The following TPST2 variants were observed in gnomAD, a reference collection of about 807,000 sequenced individuals.
The protein encoded by TPST2 is protein-tyrosine sulfotransferase 2.
A neutral mutation model predicts 27.8 loss-of-function variants in TPST2; 16 were observed. The ratio of observed to expected loss-of-function variants is 0.58; its 90% CI spans 0.39 to 0.88. The LOEUF (loss-of-function observed/expected upper bound fraction) is 0.88. Among genes scored for constraint, TPST2 ranks in the 40% least tolerant of loss-of-function variants. The pLI is 0.00. For synonymous variants in TPST2, 229 were observed against 231.7 expected (o/e 0.99, Z 0.10); for missense variants, 464 against 543.1 (o/e 0.85, Z 1.45).
chr22:26,536,770 C>G (rs924723361), intron 3 of TPST2, among the ~76,000 whole-genome samples: 1 of 152,152 alleles, frequency 6.6e-6, no homozygotes. Flanking sequence ...AAAATAACAA[C>G]AGTTTAGGTC....
chr22:26,535,803 T>C (rs565540932), intron 4 of TPST2: 3 of 317,190 alleles, frequency 9.5e-6, no homozygotes, highest in Non-Finnish European at 1.8e-5. Flanking sequence ...AAAAAAGTCA[T>C]TTCCCTTCAC....
chr22:26,526,586 C>G (rs543767665), intron 6 of TPST2, among the ~76,000 whole-genome samples: 1 of 152,218 alleles, frequency 6.6e-6, no homozygotes, highest in Non-Finnish European at 1.5e-5. Context: ...TCAAGGCCAA[C>G]TCTGTACCCA....
At chr22:26,538,318 A>G (rs1486365215) in intron 3 of TPST2, among the ~76,000 whole-genome samples, 3 of 152,264 alleles carry the variant, frequency 2.0e-5, no homozygotes, top group Admixed American at 6.5e-5. Context: ...CAATATGTCA[A>G]AAATCTTGAG....
At position 26,540,785 on chromosome 22, in the gene TPST2, T is replaced by G; in HGVS notation, c.842+4A>C. 1 of 1,567,278 alleles carries G rather than the reference T, an allele frequency of 6.4e-7. No individual in the cohort carries two copies. The highest frequency in any genetic ancestry group is 8.7e-7 in the Non-Finnish European group (1 of 1,153,040). ...TGAGTGGAAGCATCAGGGGCTCCAC[T>G]CACTTGGACAGGGAGACACCACCGG... On this transcript the variant is annotated splice_donor_region_variant and intron_variant, in intron 3 of 6. Transcript: ENST00000338754.
intron 1 of TPST2, chr22:26,560,482 C>G (rs990687398): frequency 1.3e-6 from 1 of 764,024 alleles, no homozygotes; most frequent in African/African-American, 1.7e-5. Context: ...GAGAGCCGGA[C>G]GGGCACTGGG....
chr22:26,523,493 G>C lies in TPST2; in HGVS notation c.*2782C>G, dbSNP rs1924663574. The C allele has an allele frequency of 6.6e-6, 1 of 152,192 alleles. No homozygotes were observed. Among genetic ancestry groups the C allele is most frequent in the African/African-American group, 2.4e-5 (1 of 41,442 alleles). The allele number at this position is 152,192 out of a possible 1,614,324, so 9.4% of individuals were successfully genotyped here. ...GATCAAATCAGGGGAGATGAAATGA[G>C]AGTGGATTCTGAGCCTAGTTTTTTT... On this transcript the variant is annotated 3_prime_UTR_variant, in exon 7 of 7. Transcript: ENST00000338754.
rs1456786519 is a variant in TPST2, at chr22:26,570,033, A to C, written c.-161+20020T>G. On this transcript the variant is annotated intron_variant, in intron 1 of 6. Coordinates refer to ENST00000338754, the MANE Select transcript of TPST2 (RefSeq NM_003595.5). Reference sequence around the variant, plus strand: ...AAAGAAAGAAAGAAAGAAAGAAAGAAAGAAAGAAAGACAGAAAGAAAGAAA... The same window carrying C: ...AAAGAAAGAAAGAAAGAAAGAAAGACAGAAAGAAAGACAGAAAGAAAGAAA... Among the ~76,000 whole-genome samples the C allele has an allele frequency of 7.5e-4, 96 of 127,300 alleles. 1 individual carries two copies. The highest frequency in any genetic ancestry group is 1.8e-3 in the East Asian group (8 of 4,464). The allele number at this position is 127,300 out of a possible 152,430, so 83.5% of individuals were successfully genotyped here.
Position 26,541,295 on chromosome 22 carries a change from G to C in TPST2, c.336C>G (p.Ala112=). 1 of 1,541,884 alleles carries C rather than the reference G, an allele frequency of 6.5e-7. No individual in the cohort carries two copies. Among genetic ancestry groups the C allele is most frequent in the Non-Finnish European group, 8.8e-7 (1 of 1,142,684 alleles). The change falls in exon 3 of 7, where the codon GCC becomes GCG. Residue 112 remains alanine, a synonymous_variant. Coordinates refer to ENST00000338754, the MANE Select transcript of TPST2 (RefSeq NM_003595.5). The surrounding 1 kb of genome is among the most constrained non-coding windows in gnomAD (Gnocchi z 5.9). ...IIPRVLAMRQ[A]WSKSGREKLR... The stretch of plus-strand genomic sequence containing the variant: ...GCTTCTCACGGCCAGACTTGGACCA[G>C]GCCTGGCGCATGGCCAGCACGCGCG...
At chr22:26,547,744 G>C (rs1200543458) in intron 1 of TPST2, 1 of 152,240 alleles carries the variant, frequency 6.6e-6, no homozygotes, top group Non-Finnish European at 1.5e-5. Context: ...GAGCCCAGGA[G>C]ATCAAGGCTG....
Position 26,544,614 on chromosome 22 carries a change from C to T in TPST2, c.-99G>A. 1.0e-6 allele frequency: 1 copy of T among 985,984 alleles called. No individual in the cohort carries two copies. 61.1% of individuals were successfully genotyped at this position (985,984 alleles called of 1,614,324 possible). On this transcript the variant is annotated 5_prime_UTR_variant, in exon 2 of 7. Transcript: ENST00000338754. Reference sequence around the variant, plus strand: ...TCTAGGTGCACTTACCTCCCTTGGGCACTCTCATCTCTGGGCTCCAGCCCT... The same window carrying T: ...TCTAGGTGCACTTACCTCCCTTGGGTACTCTCATCTCTGGGCTCCAGCCCT...
At chr22:26,560,262 G>C (rs1927017009) in intron 1 of TPST2, among the ~76,000 whole-genome samples, 3 of 152,150 alleles carry the variant, frequency 2.0e-5, no homozygotes, top group Admixed American at 6.5e-5. Flanking sequence ...ATGGTCTCCT[G>C]GTTAAAGTGT....
intron 1 of TPST2, among the ~76,000 whole-genome samples, chr22:26,588,903 A>T (rs1259586656): frequency 6.6e-6 from 1 of 152,230 alleles, no homozygotes; most frequent in Non-Finnish European, 1.5e-5. Flanking sequence ...TCTGGCAGAC[A>T]GACATGCAAG....
intron 1 of TPST2, among the ~76,000 whole-genome samples, chr22:26,589,232 T>C (rs763887754): frequency 5.8e-4 from 89 of 152,162 alleles, no homozygotes; most frequent in Non-Finnish European, 5.0e-4. Context: ...TAGGCACGGT[T>C]CTTTCTAATG....
chr22:26,558,306 T>A (rs1196007693), intron 1 of TPST2, among the ~76,000 whole-genome samples: 1 of 151,734 alleles, frequency 6.6e-6, no homozygotes, highest in Non-Finnish European at 1.5e-5. Flanking sequence ...CACTGGCTAA[T>A]TTTTTTGTAT....
At chr22:26,574,614 G>A (rs1477377387) in intron 1 of TPST2, among the ~76,000 whole-genome samples, 1 of 152,198 alleles carries the variant, frequency 6.6e-6, no homozygotes, top group Non-Finnish European at 1.5e-5. Flanking sequence ...CAAGTCCCTT[G>A]GATCCTCATT....
At chr22:26,538,537 G>T (rs1264696187) in intron 3 of TPST2, among the ~76,000 whole-genome samples, 1 of 152,258 alleles carries the variant, frequency 6.6e-6, no homozygotes, top group Non-Finnish European at 1.5e-5. Context: ...AAATGATGCT[G>T]CAGGTCAGGC....
chr22:26,546,280 G>A (rs980157325), intron 1 of TPST2, among the ~76,000 whole-genome samples: 2 of 152,128 alleles, frequency 1.3e-5, no homozygotes, highest in African/African-American at 2.4e-5. Flanking sequence ...GAACCAAGGT[G>A]TAACCACAGC....
chr22:26,531,609 T>C (rs1925166403), intron 5 of TPST2, among the ~76,000 whole-genome samples: 1 of 152,194 alleles, frequency 6.6e-6, no homozygotes, highest in Non-Finnish European at 1.5e-5. Context: ...AGATATTGGC[T>C]TATGGGTGCT....
chr22:26,574,594 G>A (rs577934141), intron 1 of TPST2, among the ~76,000 whole-genome samples: 1 of 152,196 alleles, frequency 6.6e-6, no homozygotes. Flanking sequence ...CGACTGGCTG[G>A]AGACAAATAC....
Sources: allele counts gnomAD v4.1 joint callset (sites outside exome capture counted in the v4.1 genomes callset), GRCh38; gene constraint gnomAD v4.1.1; non-coding constraint Gnocchi (gnomAD v3.1); transcripts MANE v1.5; gene names NCBI Gene and HGNC (gene_info 2026-07-23, HGNC 2026-07-21).